Variants in EIF4G1 observed in about 807,000 individuals in gnomAD.
EIF4G1 encodes the protein eukaryotic translation initiation factor 4 gamma 1.
EIF4G1 carries 4 observed loss-of-function variants against 187.8 expected under a neutral mutation model. The ratio of observed to expected loss-of-function variants is 0.02; its 90% CI spans 0.01 to 0.05. The LOEUF (loss-of-function observed/expected upper bound fraction) is 0.05. Among genes scored for constraint, EIF4G1 ranks in the 10% least tolerant of loss-of-function variants. The probability of loss-of-function intolerance (pLI) is 1.00; values close to 1 mark genes in which losing one functional copy is unlikely to be tolerated. For synonymous variants in EIF4G1, 844 were observed against 781.4 expected (o/e 1.08, Z -1.34); for missense variants, 1,647 against 2,081.1 (o/e 0.79, Z 4.06).
chr3:184,315,740 T>G (rs1722652723), intron 2 of EIF4G1, 23 bp from the exon 3 acceptor site: 1 of 1,536,812 alleles, frequency 6.5e-7, no homozygotes, highest in African/African-American at 1.4e-5. Context: ...TTCCTCTTCC[T>G]GAGCGCCACT....
At chr3:184,318,104 T>C (rs1019118142) in intron 6 of EIF4G1, among the ~76,000 whole-genome samples, 1 of 152,170 alleles carries the variant, frequency 6.6e-6, no homozygotes. Context: ...ACTTCTTCCA[T>C]GGTTGGGAGC....
rs764872385 is a variant in EIF4G1 at position 184,327,441 on chromosome 3, G to C, written c.3654G>C (p.Arg1218=). The C allele has an allele frequency of 1.2e-6, 2 of 1,613,464 alleles. No homozygotes were observed. Among genetic ancestry groups the C allele is most frequent in the Non-Finnish European group, 8.5e-7 (1 of 1,179,902 alleles). Residue 1218 remains arginine, a synonymous_variant, in exon 24 of 33, where the codon CGG becomes CGC. Transcript: ENST00000346169. Reference sequence around the variant, plus strand: ...TCACGGAGGATCGGGACCGTGGGCGGGATGCCGGTGAGAGTCTGGGAGAGG... The same window carrying C: ...TCACGGAGGATCGGGACCGTGGGCGCGATGCCGGTGAGAGTCTGGGAGAGG... The part of the protein sequence containing the change: ...ASLTEDRDRG[R]DAVKREAALP...
At position 184,325,489 on chromosome 3, in the gene EIF4G1, G is replaced by A; in HGVS notation, c.2971G>A (p.Val991Met). The A allele has an allele frequency of 6.2e-7, 1 of 1,614,162 alleles. No homozygotes were observed. Among genetic ancestry groups the A allele is most frequent in the Non-Finnish European group, 8.5e-7 (1 of 1,180,048 alleles). The change falls in exon 20 of 33, where the codon GTG (valine) becomes ATG (methionine). Residue 991 changes from valine to methionine, a missense_variant. Val to Met is a conservative substitution (Grantham distance 21). This residue lies in a region of EIF4G1 where 142 missense variants were observed against 296.6 expected (regional missense o/e 0.48). Coordinates refer to ENST00000346169, the MANE Select transcript of EIF4G1 (RefSeq NM_198241.3). This position sits in a 1 kb window ranked among gnomAD's most constrained non-coding sequence, Gnocchi z 5.2. ...CCCTCTGTCTCCACAGAGCAATTGG[G>A]TGCCACGCCGAGGGGATCAGGGTCC... is the stretch of plus-strand genomic sequence containing the variant. ...DVLDLRGSNW[V>M]PRRGDQGPKT... is the part of the protein sequence containing the mutation.
At chr3:184,329,312 AAC>A (rs1725569105) in intron 28 of EIF4G1, among the ~76,000 whole-genome samples, 2 of 152,230 alleles carry the variant, frequency 1.3e-5, no homozygotes, top group Admixed American at 1.3e-4. Flanking sequence ...CAATGAATAA[AAC>A]ACAAGAAACA....
Position 184,325,021 on chromosome 3 carries a change from C to A in EIF4G1, c.2763C>A (p.Val921=). ...LTEAIMHDCV[V]KLLKNHDEES... is the part of the protein sequence containing the mutation. ...AGGCAATAATGCATGACTGTGTGGT[C>A]AAACTGCTTAAGAACCATGATGAAG... Residue 921 remains valine, a synonymous_variant, in exon 18 of 33, where the codon GTC becomes GTA. Transcript: ENST00000346169. This position sits in a 1 kb window ranked among gnomAD's most constrained non-coding sequence, Gnocchi z 5.2. The A allele has an allele frequency of 6.2e-7, 1 of 1,614,196 alleles. No individual in the cohort carries two copies. The highest frequency in any genetic ancestry group is 1.1e-5 in the South Asian group (1 of 91,080).
chr3:184,321,204 C>G (rs1222523735), intron 9 of EIF4G1, 78 bp from the exon 10 acceptor site: 2 of 1,590,086 alleles, frequency 1.3e-6, no homozygotes, highest in African/African-American at 2.7e-5. Context: ...TTGGGAATGC[C>G]TGGGCTGGAG....
intron 3 of EIF4G1, 133 bp from the exon 4 acceptor site, chr3:184,315,999 G>A: frequency 2.0e-6 from 3 of 1,531,164 alleles, no homozygotes; most frequent in Admixed American, 2.0e-5. Context: ...GCTGTCCCCG[G>A]GGGCTGTCAC....
rs1726788665 is a variant in EIF4G1, at chr3:184,334,591, T to G, written c.4619-136T>G. On this transcript the variant is annotated intron_variant, in intron 32 of 32. Coordinates refer to ENST00000346169, the MANE Select transcript of EIF4G1 (RefSeq NM_198241.3). The surrounding 1 kb of genome is among the most constrained non-coding windows in gnomAD (Gnocchi z 5.8). ...GATTAGCATCCTGTCAGAGGCCTAG[T>G]CACTCTGGAATGGCCACAAATGTCA... 6 of 971,096 alleles carry G rather than the reference T, an allele frequency of 6.2e-6. No individual in the cohort carries two copies. In the South Asian group the frequency reaches 8.2e-5, roughly 13 times the overall value. 60.2% of individuals were successfully genotyped at this position (971,096 alleles called of 1,614,324 possible). A position where few individuals can be genotyped will look rare whatever the true frequency, so the allele number is the denominator to read the frequency against.
Position 184,326,935 on chromosome 3 carries a change from A to C in EIF4G1, c.3380A>C (p.Gln1127Pro). ...TSTLNRFSAL[Q>P]QAVPTESTDN... ...ACTTTGAATCGCTTCTCAGCCCTTC[A>C]ACAAGCGGTACCCACAGAAAGCACA... The change falls in exon 23 of 33, where the codon CAA becomes CCA. Residue 1127 changes from glutamine (Q) to proline (P), a missense_variant. By Grantham distance (76) the Gln-to-Pro change is moderately conservative. Around this residue, in one of 11 missense-constraint regions of EIF4G1, gnomAD observed 543 missense variants for 638.0 expected, o/e 0.85. Coordinates refer to ENST00000346169, the MANE Select transcript of EIF4G1 (RefSeq NM_198241.3). 1.9e-6 allele frequency: 3 copies of C among 1,614,220 alleles called. No homozygotes were observed. The highest frequency in any genetic ancestry group is 2.5e-6 in the Non-Finnish European group (3 of 1,180,038).
intron 28 of EIF4G1, among the ~76,000 whole-genome samples, chr3:184,330,843 G>A (rs1725932884): frequency 2.0e-5 from 3 of 152,006 alleles, no homozygotes; most frequent in African/African-American, 4.8e-5. Context: ...GGGTTCAAGC[G>A]ATTCTCCTGC....
At chr3:184,326,054 C>T (rs942054773) in intron 21 of EIF4G1, 103 bp downstream of exon 21, 2 of 1,272,990 alleles carry the variant, frequency 1.6e-6, no homozygotes, top group Non-Finnish European at 2.3e-6. Context: ...TCCTCTTAGA[C>T]TAACTGGTTG....
At chr3:184,326,169 C>CAT (rs56256008) in intron 21 of EIF4G1, among the ~76,000 whole-genome samples, 4 of 150,550 alleles carry the variant, frequency 2.7e-5, no homozygotes, top group Admixed American at 6.7e-5. Context: ...CACACACACA[C>CAT]GTGCCAGATC....
In EIF4G1 at chr3:184,325,207, G is replaced by A. The variant is rs548668020; in HGVS notation, c.2857-62G>A. The A allele has an allele frequency of 2.5e-6, 4 of 1,605,162 alleles. No individual in the cohort carries two copies. The African/African-American group carries it at 4.0e-5, about 16-fold the overall frequency. On this transcript the variant is annotated intron_variant, in intron 18 of 32. Coordinates refer to ENST00000346169, the MANE Select transcript of EIF4G1 (RefSeq NM_198241.3). This position sits in a 1 kb window ranked among gnomAD's most constrained non-coding sequence, Gnocchi z 5.2. Reference sequence around the variant, plus strand: ...TGGGGCGGAAGGCCTGAGGAGGGGTGGGGCCTGCAGTTATAGGTGGGACAT... The same window carrying A: ...TGGGGCGGAAGGCCTGAGGAGGGGTAGGGCCTGCAGTTATAGGTGGGACAT...
intron 28 of EIF4G1, among the ~76,000 whole-genome samples, chr3:184,329,618 ACT>A (rs949800076): frequency 6.6e-6 from 1 of 152,192 alleles, no homozygotes; most frequent in African/African-American, 2.4e-5. Flanking sequence ...ACAGAGCAAG[ACT>A]CTGTCTCCAA....
chr3:184,327,277 A>G lies in EIF4G1; in HGVS notation c.3490A>G (p.Ser1164Gly), dbSNP rs113169049. The G allele has an allele frequency of 1.2e-6, 2 of 1,613,808 alleles. No homozygotes were observed. The highest frequency in any genetic ancestry group is 2.2e-5 in the East Asian group (1 of 44,888). ...AGACCGAGGAGACCGCCTAGAGCGG[A>G]GTGAACGGGGAGGGGACCGTGGGGA... The part of the protein sequence containing the change: ...AGDRGDRLER[S>G]ERGGDRGDRL... Residue 1164 changes from serine to glycine, a missense_variant, in exon 24 of 33, where the codon AGT becomes GGT. Physicochemically the swap from Ser to Gly is moderately conservative, Grantham distance 56. Around this residue, in one of 11 missense-constraint regions of EIF4G1, gnomAD observed 543 missense variants for 638.0 expected, o/e 0.85. Coordinates refer to ENST00000346169, the MANE Select transcript of EIF4G1 (RefSeq NM_198241.3).
In EIF4G1 at chr3:184,328,639, A is replaced by C. The variant is rs780644242; in HGVS notation, c.3962A>C (p.Glu1321Ala). 1.8e-5 allele frequency: 29 copies of C among 1,613,986 alleles called. No homozygotes were observed. Among genetic ancestry groups the C allele is most frequent in the Non-Finnish European group, 8.5e-7 (1 of 1,180,036 alleles). ...TTGAATTCCCTTGGCAGGTTGTATG[A>C]AATCTTGGAATTGGCTGAGGACATG... ...STAQYYQGLY[E>A]ILELAEDMEI... The change falls in exon 27 of 33, where the codon GAA becomes GCA. Residue 1321 changes from glutamate to alanine, a missense_variant. Glu to Ala is a moderately radical substitution (Grantham distance 107). This residue lies in a region of EIF4G1 where 543 missense variants were observed against 638.0 expected (regional missense o/e 0.85). Transcript: ENST00000346169.
At chr3:184,329,975 A>G (rs1319541958) in intron 28 of EIF4G1, among the ~76,000 whole-genome samples, 1 of 152,262 alleles carries the variant, frequency 6.6e-6, no homozygotes, top group Non-Finnish European at 1.5e-5. Flanking sequence ...TAATTCTTTT[A>G]AATAGACGTG....
chr3:184,332,504 C>A (rs1726313928), intron 32 of EIF4G1, among the ~76,000 whole-genome samples: 1 of 152,164 alleles, frequency 6.6e-6, no homozygotes, highest in African/African-American at 2.4e-5. Context: ...GTGAACATGT[C>A]TCAGGTTATG....
intron 32 of EIF4G1, 48 bp downstream of exon 32, chr3:184,332,134 A>C (rs367830870): frequency 6.2e-7 from 1 of 1,613,624 alleles, no homozygotes; most frequent in African/African-American, 1.3e-5. Flanking sequence ...GGACTGCCAG[A>C]TAGCAGGGCA....
Sources: gnomAD v4.1 joint callset for allele counts (sites outside exome capture counted in the v4.1 genomes callset) on GRCh38, gnomAD v4.1.1 for gene constraint, gnomAD v4.1.1 regional missense constraint, Gnocchi (gnomAD v3.1) non-coding constraint, MANE v1.5 for transcripts, NCBI Gene and HGNC (gene_info 2026-07-23, HGNC 2026-07-21) for gene names.